PTPRD: variants seen among roughly 807,000 people sequenced by gnomAD.
PTPRD encodes protein tyrosine phosphatase receptor type D, also known as receptor-type tyrosine-protein phosphatase delta.
In PTPRD, 34 loss-of-function variants were observed where a neutral mutation model predicts 214.5. The ratio of observed to expected loss-of-function variants is 0.16; its 90% CI spans 0.12 to 0.21. The LOEUF is 0.21. PTPRD is among the 10% of genes least tolerant of loss of function. The pLI is 1.00. For missense variants in PTPRD, 2,545 were observed against 2,398.7 expected, an observed-to-expected ratio of 1.06 and a Z score of -1.27; for synonymous variants, 1,128 against 845.7, an observed-to-expected ratio of 1.33 and a Z score of -5.79.
chr9:10,569,160 A>T (rs2066629021), intron 2 of PTPRD, among the ~76,000 whole-genome samples: 1 of 152,208 alleles, frequency 6.6e-6, no homozygotes, highest in African/African-American at 2.4e-5. Context: ...GCCAAAAAAC[A>T]CATGAAAAAA....
chr9:9,240,598 A>G (rs2099969865), intron 9 of PTPRD, among the ~76,000 whole-genome samples: 1 of 152,100 alleles, frequency 6.6e-6, no homozygotes, highest in African/African-American at 2.4e-5. Flanking sequence ...TTGATATTTT[A>G]TACAAAGAGA....
At chr9:8,674,458 A>C (rs959092772) in intron 12 of PTPRD, among the ~76,000 whole-genome samples, 3 of 10,136 alleles carry the variant, frequency 3.0e-4, no homozygotes, top group African/African-American at 1.4e-3. Flanking sequence ...CGCTGTCTCA[A>C]AAAAAAAAAA....
intron 3 of PTPRD, among the ~76,000 whole-genome samples, chr9:10,176,891 T>G (rs2099251705): frequency 6.6e-6 from 1 of 152,014 alleles, no homozygotes; most frequent in Admixed American, 6.6e-5. Flanking sequence ...TTTTTCTTAT[T>G]TATTCACTGA....
intron 12 of PTPRD, among the ~76,000 whole-genome samples, chr9:8,714,973 G>T (rs192255364): frequency 2.8e-4 from 42 of 151,546 alleles, no homozygotes; most frequent in Admixed American, 9.2e-4. Flanking sequence ...CTTGGTCACT[G>T]TTGTATCTCA....
At chr9:9,676,199 A>G (rs2096925834) in intron 7 of PTPRD, among the ~76,000 whole-genome samples, 1 of 152,050 alleles carries the variant, frequency 6.6e-6, no homozygotes, top group African/African-American at 2.4e-5. Flanking sequence ...GTATGTATAC[A>G]TGTGCCATGT....
At chr9:9,656,999 G>C (rs1010875005) in intron 7 of PTPRD, among the ~76,000 whole-genome samples, 3 of 152,028 alleles carry the variant, frequency 2.0e-5, no homozygotes, top group African/African-American at 7.2e-5. Flanking sequence ...GTATGCAAGA[G>C]TTTAGCATCA....
intron 5 of PTPRD, among the ~76,000 whole-genome samples, chr9:9,772,976 T>A (rs1187190444): frequency 6.6e-6 from 1 of 152,140 alleles, no homozygotes; most frequent in Non-Finnish European, 1.5e-5. Flanking sequence ...AAAAAGGAAA[T>A]AAGCTAAATG....
intron 4 of PTPRD, among the ~76,000 whole-genome samples, chr9:9,960,761 A>G (rs76156620): frequency 0.018 from 2,739 of 152,294 alleles, 85 homozygotes; most frequent in African/African-American, 0.062. Context: ...CTAAAGACAC[A>G]TGATAACTAA....
chr9:9,452,507 G>A (rs969825921), intron 8 of PTPRD, among the ~76,000 whole-genome samples: 1 of 151,132 alleles, frequency 6.6e-6, no homozygotes, highest in African/African-American at 2.4e-5. Flanking sequence ...AATATGATAA[G>A]ATTTGGGGTA....
intron 5 of PTPRD, among the ~76,000 whole-genome samples, chr9:9,773,170 G>A (rs1389219446): frequency 6.6e-6 from 1 of 152,070 alleles, no homozygotes; most frequent in Non-Finnish European, 1.5e-5. Context: ...ATTAATACAA[G>A]AAAATCAAGA....
At chr9:10,588,256 G>A (rs944843571) in intron 2 of PTPRD, among the ~76,000 whole-genome samples, 2 of 151,956 alleles carry the variant, frequency 1.3e-5, no homozygotes, top group African/African-American at 4.8e-5. Context: ...TGACTCCAAG[G>A]TTTGTGGTCT....
intron 11 of PTPRD, among the ~76,000 whole-genome samples, chr9:8,990,217 C>G (rs1482444200): frequency 6.6e-6 from 1 of 152,090 alleles, no homozygotes; most frequent in Non-Finnish European, 1.5e-5. Context: ...ACTTAAAGAT[C>G]TACTGAAAGA....
chr9:10,308,322 C>A (rs2096153274), intron 3 of PTPRD, among the ~76,000 whole-genome samples: 1 of 151,986 alleles, frequency 6.6e-6, no homozygotes, highest in African/African-American at 2.4e-5. Flanking sequence ...AAGAGAATGT[C>A]ATTTTCCTAA....
intron 9 of PTPRD, among the ~76,000 whole-genome samples, chr9:9,294,832 G>C (rs565327310): frequency 1.5e-3 from 224 of 151,614 alleles, no homozygotes; most frequent in Non-Finnish European, 2.4e-3. Flanking sequence ...GCACTATTAA[G>C]ATTAGGCATA....
At chr9:8,797,898 C>G (rs1357556964) in intron 11 of PTPRD, among the ~76,000 whole-genome samples, 2 of 147,852 alleles carry the variant, frequency 1.4e-5, no homozygotes, top group Admixed American at 1.4e-4. Flanking sequence ...TTTAGAGAGT[C>G]TTGATATGTC....
chr9:9,810,628 C>T (rs903960562), intron 5 of PTPRD, among the ~76,000 whole-genome samples: 7 of 151,482 alleles, frequency 4.6e-5, no homozygotes, highest in Non-Finnish European at 2.9e-5. Flanking sequence ...AAAAAGATTT[C>T]GTTTAAAATA....
At chr9:10,355,729 C>A (rs1237923645) in intron 2 of PTPRD, among the ~76,000 whole-genome samples, 1 of 152,106 alleles carries the variant, frequency 6.6e-6, no homozygotes, top group Non-Finnish European at 1.5e-5. Context: ...CCGCCCACCT[C>A]GGCCTCCCAA....
intron 8 of PTPRD, among the ~76,000 whole-genome samples, chr9:9,404,972 G>C (rs1011434442): frequency 6.6e-6 from 1 of 152,040 alleles, no homozygotes; most frequent in Non-Finnish European, 1.5e-5. Flanking sequence ...TTGTGGTTTA[G>C]ATTCCCTAAA....
chr9:8,330,351 G>A (rs1838887251), intron 44 of PTPRD, among the ~76,000 whole-genome samples: 1 of 151,996 alleles, frequency 6.6e-6, no homozygotes, highest in Non-Finnish European at 1.5e-5. Flanking sequence ...TGTTTGTTTA[G>A]ACCTAATGCT....
Sources: gnomAD v4.1 joint callset for allele counts (sites outside exome capture counted in the v4.1 genomes callset) on GRCh38, gnomAD v4.1.1 for gene constraint, MANE v1.5 for transcripts, NCBI Gene and HGNC (gene_info 2026-07-23, HGNC 2026-07-21) for gene names.